Variants in FREM2 observed in about 807,000 individuals in gnomAD.
The protein encoded by FREM2 is FRAS1-related extracellular matrix protein 2.
Under a neutral mutation model 219.9 loss-of-function variants are expected in FREM2, and 119 were observed. The observed-to-expected ratio is 0.54, with a 90% confidence interval of 0.47 to 0.63. The LOEUF (loss-of-function observed/expected upper bound fraction) is 0.63. FREM2 is among the 30% of genes least tolerant of loss of function. The probability of loss-of-function intolerance (pLI) is 0.00; values close to 1 mark genes in which losing one functional copy is unlikely to be tolerated. For synonymous variants in FREM2, 1,562 were observed against 1,522.8 expected, an observed-to-expected ratio of 1.03 and a Z score of -0.60; for missense variants, 4,030 against 3,993.6, an observed-to-expected ratio of 1.01 and a Z score of -0.25.
chr13:38,693,821 T>C (rs917691511), intron 1 of FREM2, among the ~76,000 whole-genome samples: 1 of 152,214 alleles, frequency 6.6e-6, no homozygotes, highest in African/African-American at 2.4e-5. Context: ...ACCTCCTGAT[T>C]CTTGGCTAAA....
intron 16 of FREM2, among the ~76,000 whole-genome samples, chr13:38,871,871 A>G (rs1408581920): frequency 1.3e-5 from 2 of 152,196 alleles, no homozygotes; most frequent in East Asian, 1.9e-4. Context: ...CACCAGAAGG[A>G]GGAAAGTATA....
At chr13:38,760,606 G>A (rs920053572) in intron 2 of FREM2, among the ~76,000 whole-genome samples, 1 of 151,896 alleles carries the variant, frequency 6.6e-6, no homozygotes, top group African/African-American at 2.4e-5. Flanking sequence ...TAGAAAGAGT[G>A]TCATTAAACC....
chr13:38,806,151 C>G (rs372721966), intron 6 of FREM2, among the ~76,000 whole-genome samples: 1 of 151,682 alleles, frequency 6.6e-6, no homozygotes. Flanking sequence ...GTAGGAGGGT[C>G]CAGAGAAGAG....
intron 6 of FREM2, among the ~76,000 whole-genome samples, chr13:38,811,298 A>T (rs117357127): frequency 0.02 from 3,066 of 151,930 alleles, 49 homozygotes; most frequent in Non-Finnish European, 0.031. Context: ...CTTCATTTCA[A>T]ATTCATTTAT....
chr13:38,871,649 T>G (rs575080743), intron 16 of FREM2, among the ~76,000 whole-genome samples: 2 of 152,260 alleles, frequency 1.3e-5, no homozygotes, highest in Admixed American at 1.3e-4. Context: ...ACATTTACCT[T>G]TTTCCTTTGA....
In FREM2 at chr13:38,687,528, G is replaced by C. The variant is rs765534709; in HGVS notation, c.184G>C (p.Gly62Arg). ...GRALLSPGLAGAAGVPAEEAI... is the reference protein window; with the variant it reads ...GRALLSPGLARAAGVPAEEAI... ...GGCGTTGCTGTCCCCTGGTCTCGCG[G>C]GGGCTGCAGGGGTCCCTGCTGAGGA... The change falls in exon 1 of 24, where the codon GGG becomes CGG. Residue 62 changes from glycine to arginine, a missense_variant. Transcript: ENST00000280481. The C allele has an allele frequency of 6.3e-7, 1 of 1,598,680 alleles. No homozygotes were observed. Among genetic ancestry groups the C allele is most frequent in the Non-Finnish European group, 8.5e-7 (1 of 1,172,816 alleles).
intron 2 of FREM2, among the ~76,000 whole-genome samples, chr13:38,719,534 C>A (rs749061094): frequency 9.2e-5 from 14 of 152,160 alleles, no homozygotes; most frequent in African/African-American, 1.4e-4. Flanking sequence ...AGCATGTCAT[C>A]TTTAAGTCTC....
rs574171670 is a variant in FREM2, at chr13:38,881,396, T to A, written c.*609T>A. ...GGAAGGAAGTTCACTCACTTGAATT[T>A]GAATTGCTTCTCATTCTCATCAGAC... On this transcript the variant is annotated 3_prime_UTR_variant, in exon 24 of 24. Coordinates refer to ENST00000280481, the MANE Select transcript of FREM2 (RefSeq NM_207361.6). The A allele has an allele frequency of 6.4e-6, 1 of 155,422 alleles. No homozygotes were observed. The highest frequency in any genetic ancestry group is 1.4e-5 in the Non-Finnish European group (1 of 69,834). The allele number at this position is 155,422 out of a possible 1,614,324, so 9.6% of individuals were successfully genotyped here. A position where few individuals can be genotyped will look rare whatever the true frequency, so the allele number is the denominator to read the frequency against.
chr13:38,840,705 CACACACACACACAGATATATATATAT>C (rs1366742704), intron 6 of FREM2, among the ~76,000 whole-genome samples: 1 of 106,702 alleles, frequency 9.4e-6, no homozygotes, highest in East Asian at 2.0e-4. Flanking sequence ...TGCATATATA[CACACACACACACAGATATATATATAT>C]ACACACACAC....
At chr13:38,778,198 T>C (rs921358047) in intron 4 of FREM2, among the ~76,000 whole-genome samples, 5 of 152,232 alleles carry the variant, frequency 3.3e-5, no homozygotes, top group African/African-American at 1.2e-4. Flanking sequence ...CAACCCTGTC[T>C]TAGTCAGCTC....
chr13:38,793,633 G>A (rs1351721242), intron 6 of FREM2, among the ~76,000 whole-genome samples: 1 of 152,152 alleles, frequency 6.6e-6, no homozygotes, highest in Non-Finnish European at 1.5e-5. Context: ...TAGGTAAAAT[G>A]ACAAAATTAG....
At chr13:38,828,750 G>A (rs924022042) in intron 6 of FREM2, among the ~76,000 whole-genome samples, 6 of 151,844 alleles carry the variant, frequency 4.0e-5, no homozygotes, top group Non-Finnish European at 7.4e-5. Context: ...AAAATTTTAA[G>A]AGACTATATT....
intron 12 of FREM2, among the ~76,000 whole-genome samples, chr13:38,856,762 A>G (rs1254317280): frequency 7.5e-6 from 1 of 133,766 alleles, no homozygotes; most frequent in Non-Finnish European, 1.5e-5. Flanking sequence ...TTCTATACTT[A>G]CTTAATTTAT....
At chr13:38,843,235 A>G (rs1000665197) in intron 6 of FREM2, among the ~76,000 whole-genome samples, 14 of 151,936 alleles carry the variant, frequency 9.2e-5, no homozygotes, top group African/African-American at 3.4e-4. Flanking sequence ...ATTCTAAGTA[A>G]TAATATCCTC....
At chr13:38,739,396 T>C (rs1275419087) in intron 2 of FREM2, among the ~76,000 whole-genome samples, 2 of 152,184 alleles carry the variant, frequency 1.3e-5, no homozygotes, top group African/African-American at 2.4e-5. Context: ...GGAGTGATTA[T>C]GTAGAATCCT....
intron 2 of FREM2, among the ~76,000 whole-genome samples, chr13:38,730,304 A>G (rs898623801): frequency 3.9e-5 from 6 of 152,210 alleles, no homozygotes; most frequent in Non-Finnish European, 5.9e-5. Flanking sequence ...TTCTTTATAA[A>G]TGATATTTCT....
chr13:38,734,444 C>A (rs576515535), intron 2 of FREM2, among the ~76,000 whole-genome samples: 1 of 152,068 alleles, frequency 6.6e-6, no homozygotes, highest in Non-Finnish European at 1.5e-5. Flanking sequence ...TAACCCTGCA[C>A]CCTTTTGTGA....
intron 2 of FREM2, among the ~76,000 whole-genome samples, chr13:38,719,515 C>A (rs1454642413): frequency 6.6e-6 from 1 of 152,122 alleles, no homozygotes; most frequent in African/African-American, 2.4e-5. Context: ...GCCACTGCAC[C>A]TGGCCAGCAG....
Position 38,881,778 on chromosome 13 carries a change from A to G in FREM2, c.*991A>G, listed in dbSNP as rs1593462730. 1 of 152,514 alleles carries G rather than the reference A, an allele frequency of 6.6e-6. No homozygotes were observed. The highest frequency in any genetic ancestry group is 1.5e-5 in the Non-Finnish European group (1 of 68,042). The allele number at this position is 152,514 out of a possible 1,614,324, so 9.4% of individuals were successfully genotyped here. A position where few individuals can be genotyped will look rare whatever the true frequency, so the allele number is the denominator to read the frequency against. ...AATGTGTATAATCAGAGTGCCTCTTATACATACTTTATAGAATAAAGGAAC... is the reference window on the plus strand; with the variant it reads ...AATGTGTATAATCAGAGTGCCTCTTGTACATACTTTATAGAATAAAGGAAC... On this transcript the variant is annotated 3_prime_UTR_variant, in exon 24 of 24. Transcript: ENST00000280481.
Sources: allele counts gnomAD v4.1 joint callset (sites outside exome capture counted in the v4.1 genomes callset), GRCh38; gene constraint gnomAD v4.1.1; transcripts MANE v1.5; gene names NCBI Gene and HGNC (gene_info 2026-07-23, HGNC 2026-07-21).